The following CLPB variants were observed in gnomAD, a reference collection of about 807,000 sequenced individuals.
The protein encoded by CLPB is ClpB family mitochondrial disaggregase.
CLPB carries 40 observed loss-of-function variants against 78.4 expected under a neutral mutation model. That is an observed-to-expected ratio of 0.51 (90% CI 0.40 to 0.66). The LOEUF is 0.66. Among genes scored for constraint, CLPB ranks in the 30% least tolerant of loss-of-function variants. The pLI is 0.00. For missense variants in CLPB, 780 were observed against 886.9 expected (o/e 0.88, Z 1.53); for synonymous variants, 333 against 348.0 (o/e 0.96, Z 0.48).
In CLPB at chr11:72,301,838, C is replaced by CT. The variant is rs774722200; in HGVS notation, c.1293dup (p.Asp432ArgfsTer11). On this transcript the variant is annotated frameshift_variant, in exon 11 of 16. Transcript: ENST00000538039. LOFTEE classifies it high-confidence loss of function. ...AGCTGCAGCATGATGGTGAGCACAT[C>CT]TGGATGGGCCTTGTCTACTTCATCA... The CT allele has an allele frequency of 1.5e-5, 25 of 1,614,070 alleles. No individual in the cohort carries two copies. Among genetic ancestry groups the CT allele is most frequent in the Non-Finnish European group, 1.7e-6 (2 of 1,180,032 alleles).
intron 2 of CLPB, among the ~76,000 whole-genome samples, chr11:72,421,993 C>T (rs1434749241): frequency 2.0e-5 from 3 of 152,154 alleles, no homozygotes; most frequent in Admixed American, 6.5e-5. Flanking sequence ...ACTGGCCGGG[C>T]GTGGTGGCTC....
At chr11:72,421,539 A>T (rs980678091) in intron 2 of CLPB, among the ~76,000 whole-genome samples, 10 of 152,314 alleles carry the variant, frequency 6.6e-5, no homozygotes, top group African/African-American at 2.2e-4. Flanking sequence ...GAGTGATGAG[A>T]CAAGTATCAT....
At chr11:72,426,122 T>G (rs1455647107) in intron 2 of CLPB, among the ~76,000 whole-genome samples, 1 of 152,246 alleles carries the variant, frequency 6.6e-6, no homozygotes, top group Non-Finnish European at 1.5e-5. Flanking sequence ...AGACTGATCT[T>G]GCCAGGCTTC....
At position 72,403,158 on chromosome 11, in the gene CLPB, T is replaced by C; in HGVS notation, c.456-106A>G. Reference sequence around the variant, plus strand: ...AATATTTTCAGTGTATGGCTTATCATGGATGTAAAAGTAGAAACAACCATA... The same window carrying C: ...AATATTTTCAGTGTATGGCTTATCACGGATGTAAAAGTAGAAACAACCATA... On this transcript the variant is annotated intron_variant, in intron 2 of 15. Coordinates refer to ENST00000538039, the MANE Select transcript of CLPB (RefSeq NM_001258392.3). The C allele has an allele frequency of 2.8e-6, 3 of 1,057,044 alleles. No homozygotes were observed. In the South Asian group the frequency reaches 4.1e-5, roughly 14 times the overall value. 65.5% of individuals were successfully genotyped at this position (1,057,044 alleles called of 1,614,324 possible).
At chr11:72,384,211 A>T (rs1855008950) in intron 3 of CLPB, among the ~76,000 whole-genome samples, 1 of 152,236 alleles carries the variant, frequency 6.6e-6, no homozygotes, top group African/African-American at 2.4e-5. Flanking sequence ...ACATAGTTAA[A>T]TTCAGAATAC....
intron 1 of CLPB, among the ~76,000 whole-genome samples, chr11:72,431,410 A>G (rs932459029): frequency 6.6e-6 from 1 of 152,190 alleles, no homozygotes; most frequent in Non-Finnish European, 1.5e-5. Context: ...GGATCTGGAG[A>G]CAGTCAGACC....
intron 5 of CLPB, among the ~76,000 whole-genome samples, chr11:72,331,282 T>C (rs1401619263): frequency 6.6e-6 from 1 of 151,512 alleles, no homozygotes; most frequent in East Asian, 2.0e-4. Flanking sequence ...TAGGTACCTG[T>C]AGTCCCAGCT....
At chr11:72,376,833 T>C (rs1399673054) in intron 4 of CLPB, among the ~76,000 whole-genome samples, 1 of 151,944 alleles carries the variant, frequency 6.6e-6, no homozygotes, top group African/African-American at 2.4e-5. Context: ...CACCACGCCC[T>C]GCTAAGTTTT....
At chr11:72,335,212 G>A (rs1950297614) in intron 5 of CLPB, among the ~76,000 whole-genome samples, 1 of 152,136 alleles carries the variant, frequency 6.6e-6, no homozygotes, top group South Asian at 2.1e-4. Flanking sequence ...GCAAGGTAAA[G>A]CAGTGGCAAT....
intron 4 of CLPB, among the ~76,000 whole-genome samples, chr11:72,367,595 C>G (rs1950967871): frequency 6.6e-6 from 1 of 151,894 alleles, no homozygotes; most frequent in Non-Finnish European, 1.5e-5. Flanking sequence ...ACAATAGACA[C>G]CAGGAACTCT....
In CLPB at chr11:72,294,616, T is replaced by C; in HGVS notation, c.1560+4A>G. 6.2e-7 allele frequency: 1 copy of C among 1,613,852 alleles called. No homozygotes were observed. Among genetic ancestry groups the C allele is most frequent in the East Asian group, 2.2e-5 (1 of 44,876 alleles). ...AGCAGGAAGTGCCAAGAAAGACCTCTTACTTTCAGGATAGGGCGAATCACA... is the reference window on the plus strand; with the variant it reads ...AGCAGGAAGTGCCAAGAAAGACCTCCTACTTTCAGGATAGGGCGAATCACA... On this transcript the variant is annotated splice_donor_region_variant and intron_variant, in intron 13 of 15. Coordinates refer to ENST00000538039, the MANE Select transcript of CLPB (RefSeq NM_001258392.3).
At chr11:72,354,539 G>T in intron 5 of CLPB, 1 of 381,284 alleles carries the variant, frequency 2.6e-6, no homozygotes, top group Non-Finnish European at 4.6e-6. Flanking sequence ...CTTGAAGTAT[G>T]AGGCTCCAGC....
At chr11:72,401,529 T>C (rs889283800) in intron 3 of CLPB, among the ~76,000 whole-genome samples, 5 of 152,156 alleles carry the variant, frequency 3.3e-5, no homozygotes, top group Non-Finnish European at 7.3e-5. Context: ...ACCGAGTGAC[T>C]AAGAACAAGT....
intron 5 of CLPB, among the ~76,000 whole-genome samples, chr11:72,357,510 A>G (rs1768817430): frequency 6.6e-6 from 1 of 151,950 alleles, no homozygotes; most frequent in Admixed American, 6.6e-5. Flanking sequence ...CAGCCTGACC[A>G]ACATGGAGAA....
chr11:72,370,178 C>G (rs115155199), intron 4 of CLPB, among the ~76,000 whole-genome samples: 26 of 152,262 alleles, frequency 1.7e-4, no homozygotes, highest in African/African-American at 5.5e-4. Flanking sequence ...TATTTATACA[C>G]AAAATATGTA....
chr11:72,308,740 G>T (rs1390814124), intron 7 of CLPB, 136 bp from the exon 8 acceptor site: 1 of 765,884 alleles, frequency 1.3e-6, no homozygotes, highest in Admixed American at 2.0e-5. Flanking sequence ...ACTACCATTA[G>T]TGCTGCCTAA....
At chr11:72,350,742 C>A (rs530730811) in intron 5 of CLPB, among the ~76,000 whole-genome samples, 1 of 152,360 alleles carries the variant, frequency 6.6e-6, no homozygotes, top group African/African-American at 2.4e-5. Flanking sequence ...GGCTTTCCAG[C>A]CTGCTTTCAG....
intron 3 of CLPB, among the ~76,000 whole-genome samples, chr11:72,391,250 CCTT>C (rs1026250544): frequency 1.7e-4 from 26 of 152,176 alleles, no homozygotes; most frequent in African/African-American, 6.0e-4. Context: ...GCTGTCCCCT[CCTT>C]CAACTGGTTG....
chr11:72,317,621 G>T (rs1421012088), intron 6 of CLPB, among the ~76,000 whole-genome samples: 2 of 152,190 alleles, frequency 1.3e-5, no homozygotes, highest in Non-Finnish European at 2.9e-5. Context: ...ATCATGCTTG[G>T]CATGGAATAA....
Sources: allele counts gnomAD v4.1 joint callset (sites outside exome capture counted in the v4.1 genomes callset), GRCh38; gene constraint gnomAD v4.1.1; transcripts MANE v1.5; gene names NCBI Gene and HGNC (gene_info 2026-07-23, HGNC 2026-07-21).